Variants in PRKCZ observed in about 807,000 individuals in gnomAD.
PRKCZ encodes protein kinase C zeta.
In PRKCZ, 33 loss-of-function variants were observed where a neutral mutation model predicts 79.5. The observed-to-expected ratio is 0.41, with a 90% CI of 0.31 to 0.55. The LOEUF is 0.55. Ranked by LOEUF, PRKCZ falls within the 20% of genes least tolerant of loss-of-function variation. The pLI is 0.19. For missense variants in PRKCZ, 578 were observed against 813.5 expected (o/e 0.71, Z 3.52); for synonymous variants, 342 against 320.9 (o/e 1.07, Z -0.70).
At chr1:2,048,780 G>A (rs1480246774), upstream of PRKCZ, among the ~76,000 whole-genome samples, 1 of 152,206 alleles carries the variant, frequency 6.6e-6, no homozygotes, top group Non-Finnish European at 1.5e-5. Context: ...CAGACCAGGA[G>A]GGCGAGGGAT....
In PRKCZ at chr1:2,144,191, G is replaced by T. The variant is rs1429722807; in HGVS notation, c.421-19G>T. 1 of 1,550,448 alleles carries T rather than the reference G, an allele frequency of 6.4e-7. No homozygotes were observed. Among genetic ancestry groups the T allele is most frequent in the African/African-American group, 1.4e-5 (1 of 73,128 alleles). On this transcript the variant is annotated intron_variant, in intron 5 of 17. Coordinates refer to ENST00000378567, the MANE Select transcript of PRKCZ (RefSeq NM_002744.6). The stretch of plus-strand genomic sequence containing the variant: ...CCCCTCAGTGTGGCCTGGGCCTGAC[G>T]CTCTGTTCCCACCTGCAGAGAGCGT...
At chr1:2,074,410 G>A (rs1662009659) in intron 4 of PRKCZ, 1 of 1,281,644 alleles carries the variant, frequency 7.8e-7, no homozygotes, top group Non-Finnish European at 1.1e-6. Context: ...GTTTCACTGT[G>A]GCCGATGCTT....
intron 4 of PRKCZ, among the ~76,000 whole-genome samples, chr1:2,085,043 A>C (rs1479722276): frequency 1.3e-5 from 2 of 151,384 alleles, no homozygotes. Context: ...GGTCAGGCAC[A>C]GAAGCCAGAC....
chr1:2,107,406 G>A (rs560870318), intron 4 of PRKCZ, among the ~76,000 whole-genome samples: 2 of 152,336 alleles, frequency 1.3e-5, no homozygotes, highest in African/African-American at 2.4e-5. Flanking sequence ...TTCCACGGCC[G>A]CACACACTCC....
intron 4 of PRKCZ, among the ~76,000 whole-genome samples, chr1:2,079,342 T>A (rs1022028801): frequency 1.3e-5 from 2 of 152,266 alleles, no homozygotes; most frequent in Non-Finnish European, 2.9e-5. Context: ...ACCATTGTTT[T>A]CTTTGTTCTG....
chr1:2,077,587 A>G (rs1317457273), intron 4 of PRKCZ, among the ~76,000 whole-genome samples: 1 of 152,198 alleles, frequency 6.6e-6, no homozygotes, highest in Non-Finnish European at 1.5e-5. Context: ...TATATTTAAA[A>G]TTTTATTTTG....
chr1:2,172,808 G>T lies in PRKCZ; in HGVS notation c.1285+420G>T, dbSNP rs1252010978. 6.6e-6 allele frequency among the ~76,000 whole-genome samples: 1 copy of T among 152,260 alleles called. No individual in the cohort carries two copies. Among genetic ancestry groups the T allele is most frequent in the Non-Finnish European group, 1.5e-5 (1 of 68,042 alleles). ...GCGGCTGAGGACGCCGTGCACACCAGAGTGTTTCTGCTCCTCTCCCCTCTC... is the reference window on the plus strand; with the variant it reads ...GCGGCTGAGGACGCCGTGCACACCATAGTGTTTCTGCTCCTCTCCCCTCTC... On this transcript the variant is annotated intron_variant, in intron 13 of 17. Transcript: ENST00000378567. This position sits in a 1 kb window ranked among gnomAD's most constrained non-coding sequence, Gnocchi z 7.8.
intron 4 of PRKCZ, among the ~76,000 whole-genome samples, chr1:2,085,394 T>C (rs1048209136): frequency 2.0e-5 from 3 of 152,232 alleles, no homozygotes; most frequent in African/African-American, 7.2e-5. Flanking sequence ...ATCTTACTGC[T>C]CACCTGGGTC....
intron 9 of PRKCZ, among the ~76,000 whole-genome samples, chr1:2,152,480 C>T (rs768824323): frequency 2.0e-5 from 3 of 152,114 alleles, no homozygotes; most frequent in African/African-American, 7.2e-5. Context: ...TGCAGTGAGC[C>T]GAGATCACGC....
At chr1:2,102,473 C>T (rs1433894826) in intron 4 of PRKCZ, among the ~76,000 whole-genome samples, 3 of 151,818 alleles carry the variant, frequency 2.0e-5, no homozygotes, top group African/African-American at 7.3e-5. Flanking sequence ...GCTGGGAGTA[C>T]AGGCGCCCAC....
At chr1:2,162,772 A>C (rs1682568939) in intron 10 of PRKCZ, among the ~76,000 whole-genome samples, 2 of 151,852 alleles carry the variant, frequency 1.3e-5, no homozygotes, top group Non-Finnish European at 2.9e-5. Context: ...TTTTGTCTTG[A>C]GTGTTTCATC....
chr1:2,074,862 TAAAAA>T (rs58923547), intron 4 of PRKCZ: 2 of 144,526 alleles, frequency 1.4e-5, no homozygotes, highest in Non-Finnish European at 3.0e-5. Flanking sequence ...GTGTTTTTTT[TAAAAA>T]AAAAAACAAC....
chr1:2,165,672 G>T lies in PRKCZ; in HGVS notation c.975-3846G>T, dbSNP rs888915999. ...GACACTGCGTGAAGGGACGCGTGTG[G>T]CCGTGTTCCACCAGAACTTTCTGTA... is the stretch of plus-strand genomic sequence containing the variant. On this transcript the variant is annotated intron_variant, in intron 10 of 17. Transcript: ENST00000378567. This position sits in a 1 kb window ranked among gnomAD's most constrained non-coding sequence, Gnocchi z 4.1. Among the ~76,000 whole-genome samples the T allele has an allele frequency of 6.6e-6, 1 of 152,194 alleles. No homozygotes were observed. The highest frequency in any genetic ancestry group is 1.5e-5 in the Non-Finnish European group (1 of 68,028).
intron 4 of PRKCZ, among the ~76,000 whole-genome samples, chr1:2,129,893 TTTTG>T (rs1319984824): frequency 1.4e-4 from 22 of 152,094 alleles, no homozygotes; most frequent in Non-Finnish European, 2.6e-4. Context: ...GGATGGGTTT[TTTTG>T]TTTGTTTGTT....
intron 9 of PRKCZ, among the ~76,000 whole-genome samples, chr1:2,151,734 A>C (rs262665): frequency 6.6e-6 from 1 of 152,080 alleles, no homozygotes; most frequent in Admixed American, 6.6e-5. Flanking sequence ...ACAGCCCACT[A>C]TAGCCTCAAA....
intron 4 of PRKCZ, among the ~76,000 whole-genome samples, chr1:2,104,297 C>G (rs1667992488): frequency 6.6e-6 from 1 of 152,152 alleles, no homozygotes; most frequent in African/African-American, 2.4e-5. Flanking sequence ...GGGTCCAACT[C>G]TTGGTTGCGA....
Position 2,148,892 on chromosome 1 carries a change from C to A in PRKCZ, c.655C>A (p.Arg219=). The change falls in exon 8 of 18, where the codon CGG becomes AGG. Residue 219 remains arginine, a synonymous_variant. Coordinates refer to ENST00000378567, the MANE Select transcript of PRKCZ (RefSeq NM_002744.6). ...TDGIAYISSS[R]KHDSIKDDSE... ...ACCAGTTGCTTACATTTCCTCATCC[C>A]GGAAGCATGACAGCATTAAAGACGA... 6.2e-7 allele frequency: 1 copy of A among 1,614,004 alleles called. No individual in the cohort carries two copies. The highest frequency in any genetic ancestry group is 8.5e-7 in the Non-Finnish European group (1 of 1,179,936).
intron 11 of PRKCZ, among the ~76,000 whole-genome samples, chr1:2,170,725 C>T (rs1331454172): frequency 1.3e-5 from 2 of 152,218 alleles, no homozygotes; most frequent in Non-Finnish European, 2.9e-5. Flanking sequence ...ACTCTAGGGA[C>T]CTCATCGGAG....
At chr1:2,056,136 C>T (rs1027491252) in intron 2 of PRKCZ, among the ~76,000 whole-genome samples, 1 of 152,218 alleles carries the variant, frequency 6.6e-6, no homozygotes, top group African/African-American at 2.4e-5. Context: ...CTGTACACCT[C>T]CATGTCCCTT....
Sources: allele counts gnomAD v4.1 joint callset (sites outside exome capture counted in the v4.1 genomes callset), GRCh38; gene constraint gnomAD v4.1.1; non-coding constraint Gnocchi (gnomAD v3.1); transcripts MANE v1.5; gene names NCBI Gene and HGNC (gene_info 2026-07-23, HGNC 2026-07-21).